WNT10A: variants seen among roughly 807,000 people sequenced by gnomAD.
WNT10A encodes Wnt family member 10A.
In WNT10A, 37 loss-of-function variants were observed where a neutral mutation model predicts 36.1. That is an observed-to-expected ratio of 1.02 (90% CI 0.79 to 1.35). The LOEUF is 1.35. Among genes scored for constraint, WNT10A ranks in the 40% most tolerant of loss-of-function variants. WNT10A has a pLI of 0.00. For synonymous variants in WNT10A, 255 were observed against 254.1 expected (o/e 1.00, Z -0.03); for missense variants, 613 against 601.4 (o/e 1.02, Z -0.20).
chr2:218,876,922 C>T (rs1944457954), upstream of WNT10A, among the ~76,000 whole-genome samples: 2 of 152,184 alleles, frequency 1.3e-5, no homozygotes, highest in South Asian at 4.1e-4. Flanking sequence ...AGGAGACCTA[C>T]AGACAGCTTG....
At chr2:218,874,120 T>G in the WNT10A span, 3 of 429,922 alleles carry the variant, frequency 7.0e-6, no homozygotes, top group Non-Finnish European at 1.2e-5. Flanking sequence ...GAGGAAACAG[T>G]TTTTTAGACT....
the WNT10A span, among the ~76,000 whole-genome samples, chr2:218,875,159 CTTTTTTTTTTTTTTTTTTTTTTTTTTTTT>C: frequency 3.2e-3 from 119 of 36,860 alleles, 2 homozygotes; most frequent in Middle Eastern, 0.026. Context: ...GACTGACTTT[CTTTTTTTTTTTTTTTTTTTTTTTTTTTTT>C]TTTTTTTTTT....
intron 3 of WNT10A, among the ~76,000 whole-genome samples, 154 bp from the exon 4 acceptor site, chr2:218,892,620 G>T (rs1160992057): frequency 6.6e-6 from 1 of 152,214 alleles, no homozygotes; most frequent in East Asian, 1.9e-4. Flanking sequence ...AGGTACAGAA[G>T]TTCTTCTGAC....
At position 218,880,934 on chromosome 2, in the gene WNT10A, T is replaced by C; in HGVS notation, c.-62T>C. 1.3e-6 allele frequency: 2 copies of C among 1,493,990 alleles called. No homozygotes were observed. Among genetic ancestry groups the C allele is most frequent in the African/African-American group, 1.4e-5 (1 of 69,606 alleles). 92.5% of individuals were successfully genotyped at this position (1,493,990 alleles called of 1,614,324 possible). On this transcript the variant is annotated 5_prime_UTR_variant, in exon 1 of 4. Transcript: ENST00000258411. The surrounding 1 kb of genome is among the most constrained non-coding windows in gnomAD (Gnocchi z 7.7). ...CCCGCCGATCATGCGCCGGCGCCCC[T>C]GGCTCTCCAGTCCCACTGGGCTGTG...
chr2:218,883,088 C>T (rs1313591625), intron 2 of WNT10A, among the ~76,000 whole-genome samples: 1 of 152,224 alleles, frequency 6.6e-6, no homozygotes, highest in Non-Finnish European at 1.5e-5. Flanking sequence ...CCTCCCTCTC[C>T]GACTTCTGGG....
Position 218,880,885 on chromosome 2 carries a change from TGTGTGTCGCAGCC to T in WNT10A, c.-109_-97del. ...CGGGAGCCCTGACCCGAGTCGGAGC[TGTGTGTCGCAGCC>T]GCCCCGACCCCCCGCCGATCATGCG... On this transcript the variant is annotated 5_prime_UTR_variant, in exon 1 of 4. Coordinates refer to ENST00000258411, the MANE Select transcript of WNT10A (RefSeq NM_025216.3). This position sits in a 1 kb window ranked among gnomAD's most constrained non-coding sequence, Gnocchi z 7.7. 1 of 1,320,152 alleles carries T rather than the reference TGTGTGTCGCAGCC, an allele frequency of 7.6e-7. No individual in the cohort carries two copies. Among genetic ancestry groups the T allele is most frequent in the Non-Finnish European group, 1.0e-6 (1 of 1,000,336 alleles). The allele number at this position is 1,320,152 out of a possible 1,614,324, so 81.8% of individuals were successfully genotyped here.
At chr2:218,875,598 T>C in the WNT10A span, among the ~76,000 whole-genome samples, 1 of 152,086 alleles carries the variant, frequency 6.6e-6, no homozygotes, top group Non-Finnish European at 1.5e-5. Flanking sequence ...TGTGTATTGG[T>C]CAAAACAGTT....
chr2:218,893,138 G>C lies in WNT10A; in HGVS notation c.1121G>C (p.Ser374Thr). 6.3e-7 allele frequency: 1 copy of C among 1,592,400 alleles called. No homozygotes were observed. Among genetic ancestry groups the C allele is most frequent in the Non-Finnish European group, 8.5e-7 (1 of 1,176,854 alleles). ...KSSAGSDGCG[S>T]MCCGRGHNIL... ...AGCGCCGGCTCGGATGGCTGCGGCA[G>C]CATGTGCTGCGGCCGCGGCCACAAC... The change falls in exon 4 of 4, where the codon AGC becomes ACC. Residue 374 changes from serine (S) to threonine (T), a missense_variant. Coordinates refer to ENST00000258411, the MANE Select transcript of WNT10A (RefSeq NM_025216.3). The surrounding 1 kb of genome is among the most constrained non-coding windows in gnomAD (Gnocchi z 6.3).
chr2:218,879,745 C>T (rs1305496770), upstream of WNT10A, among the ~76,000 whole-genome samples: 2 of 152,256 alleles, frequency 1.3e-5, no homozygotes, highest in Non-Finnish European at 2.9e-5. Context: ...GTCAGGAGAG[C>T]TGCGTTCGGT....
At chr2:218,880,332 G>T (rs1439705370), upstream of WNT10A, 2 of 152,446 alleles carry the variant, frequency 1.3e-5, no homozygotes, top group African/African-American at 4.8e-5. The surrounding 1 kb of genome is among the most constrained non-coding windows in gnomAD (Gnocchi z 7.7). Flanking sequence ...GTGCACGCGC[G>T]CACAGACCCC....
chr2:218,880,055 G>A (rs963419810), upstream of WNT10A, among the ~76,000 whole-genome samples: 2 of 152,170 alleles, frequency 1.3e-5, no homozygotes, highest in Non-Finnish European at 1.5e-5. This position sits in a 1 kb window ranked among gnomAD's most constrained non-coding sequence, Gnocchi z 7.7. Context: ...AGGTCACACA[G>A]CAAAGGGGAG....
In WNT10A at chr2:218,892,983, G is replaced by A. The variant is rs767856988; in HGVS notation, c.966G>A (p.Pro322=). ...CAGCGGGGGCACCCTCGCCGGCTCC[G>A]GGCGCTCCCGGGCCGCGCCGACGGG... The part of the protein sequence containing the change: ...PGPAGAPSPA[P]GAPGPRRRAS... The change falls in exon 4 of 4, where the codon CCG becomes CCA. Residue 322 remains proline (P), a synonymous_variant. Coordinates refer to ENST00000258411, the MANE Select transcript of WNT10A (RefSeq NM_025216.3). The A allele has an allele frequency of 6.8e-7, 1 of 1,477,288 alleles. No individual in the cohort carries two copies. The highest frequency in any genetic ancestry group is 8.9e-7 in the Non-Finnish European group (1 of 1,123,382). The allele number at this position is 1,477,288 out of a possible 1,614,324, so 91.5% of individuals were successfully genotyped here. A position where few individuals can be genotyped will look rare whatever the true frequency, so the allele number is the denominator to read the frequency against.
intron 2 of WNT10A, among the ~76,000 whole-genome samples, chr2:218,883,698 C>T (rs978202219): frequency 1.3e-5 from 2 of 151,248 alleles, no homozygotes; most frequent in African/African-American, 4.9e-5. Context: ...CCGCGCCGCT[C>T]TCAGAGGGCA....
At chr2:218,884,910 T>G (rs184797821) in intron 2 of WNT10A, among the ~76,000 whole-genome samples, 1 of 152,352 alleles carries the variant, frequency 6.6e-6, no homozygotes, top group East Asian at 1.9e-4. Flanking sequence ...AGGATCCTCT[T>G]AAGTGTGGAT....
At chr2:218,875,159 C>CTTTTTTTTTTTTTTTT in the WNT10A span, among the ~76,000 whole-genome samples, 12 of 36,864 alleles carry the variant, frequency 3.3e-4, 6 homozygotes, top group Non-Finnish European at 7.3e-4. Flanking sequence ...GACTGACTTT[C>CTTTTTTTTTTTTTTTT]TTTTTTTTTT....
At chr2:218,881,274 G>C (rs550082829) in intron 1 of WNT10A, among the ~76,000 whole-genome samples, 166 bp downstream of exon 1, 1 of 152,226 alleles carries the variant, frequency 6.6e-6, no homozygotes, top group African/African-American at 2.4e-5. Flanking sequence ...ATAGGAGGGG[G>C]TTGGACTGGT....
At chr2:218,883,677 C>G (rs1944545208) in intron 2 of WNT10A, among the ~76,000 whole-genome samples, 1 of 151,338 alleles carries the variant, frequency 6.6e-6, no homozygotes, top group Non-Finnish European at 1.5e-5. Context: ...GCAGACGGCT[C>G]CCGGCCCCAG....
rs774564847 is a variant in WNT10A, at chr2:218,880,967, C to A, written c.-29C>A. The A allele has an allele frequency of 2.3e-5, 35 of 1,551,168 alleles. No individual in the cohort carries two copies. The East Asian group carries it at 3.6e-4, about 16-fold the overall frequency. On this transcript the variant is annotated 5_prime_UTR_variant, in exon 1 of 4. Transcript: ENST00000258411. This position sits in a 1 kb window ranked among gnomAD's most constrained non-coding sequence, Gnocchi z 7.7. ...CAGTCCCACTGGGCTGTGAGCCCCCCACTCCCAGCCCGTCAGGGCCTGCGC... is the reference window on the plus strand; with the variant it reads ...CAGTCCCACTGGGCTGTGAGCCCCCAACTCCCAGCCCGTCAGGGCCTGCGC...
chr2:218,889,947 C>G, intron 2 of WNT10A, 37 bp from the exon 3 acceptor site: 1 of 1,611,246 alleles, frequency 6.2e-7, no homozygotes, highest in Non-Finnish European at 8.5e-7. Context: ...TGTCAAGGCC[C>G]CTCCAGAGTC....
Sources: gnomAD v4.1 joint callset for allele counts (sites outside exome capture counted in the v4.1 genomes callset) on GRCh38, gnomAD v4.1.1 for gene constraint, Gnocchi (gnomAD v3.1) non-coding constraint, MANE v1.5 for transcripts, NCBI Gene and HGNC (gene_info 2026-07-23, HGNC 2026-07-21) for gene names.